VTI1A: variants seen among roughly 807,000 people sequenced by gnomAD.
The protein encoded by VTI1A is vesicle transport through interaction with t-SNAREs homolog 1A.
VTI1A carries 22 observed loss-of-function variants against 34.9 expected under a neutral mutation model. The ratio of observed to expected loss-of-function variants is 0.63; its 90% CI spans 0.45 to 0.90. VTI1A has a LOEUF of 0.90. VTI1A is among the 40% of genes least tolerant of loss of function. The pLI is 0.00. For synonymous variants in VTI1A, 87 were observed against 97.3 expected, an observed-to-expected ratio of 0.89 and a Z score of 0.62; for missense variants, 268 against 275.6, an observed-to-expected ratio of 0.97 and a Z score of 0.20.
intron 5 of VTI1A, among the ~76,000 whole-genome samples, chr10:112,645,942 G>GTTTTT (rs71035394): frequency 1.5e-5 from 2 of 137,324 alleles, no homozygotes; most frequent in African/African-American, 2.7e-5. Flanking sequence ...AATATACTGT[G>GTTTTT]TTTTTTTTTT....
chr10:112,745,095 T>C (rs1850846896), intron 7 of VTI1A, among the ~76,000 whole-genome samples: 1 of 152,240 alleles, frequency 6.6e-6, no homozygotes, highest in South Asian at 2.1e-4. Context: ...TTGACACATA[T>C]GTAATACTTT....
intron 5 of VTI1A, among the ~76,000 whole-genome samples, chr10:112,606,100 C>T (rs1439487490): frequency 2.0e-5 from 3 of 150,976 alleles, no homozygotes; most frequent in Non-Finnish European, 2.9e-5. Flanking sequence ...TCTCGGCTCA[C>T]CACAACCTCC....
intron 5 of VTI1A, among the ~76,000 whole-genome samples, chr10:112,566,279 T>G (rs1851901001): frequency 6.6e-6 from 1 of 152,146 alleles, no homozygotes; most frequent in South Asian, 2.1e-4. Context: ...TATAAAAAAC[T>G]TACAGTGATA....
Position 112,775,764 on chromosome 10 carries a change from TAAAG to T in VTI1A, c.561-39518_561-39515del, listed in dbSNP as rs543424102. Reference sequence around the variant, plus strand: ...TTATATCGAGTAATTGAAAATGTAATAAAGAAAGAAATAATTGCCATAGGACACA... The same window carrying T: ...TTATATCGAGTAATTGAAAATGTAATAAAGAAATAATTGCCATAGGACACA... On this transcript the variant is annotated intron_variant, in intron 7 of 7. Coordinates refer to ENST00000393077, the MANE Select transcript of VTI1A (RefSeq NM_145206.4). Among the ~76,000 whole-genome samples, 151 of 152,342 alleles carry T rather than the reference TAAAG, an allele frequency of 9.9e-4. 1 individual carries two copies. The highest frequency in any genetic ancestry group is 3.3e-3 in the African/African-American group (136 of 41,582).
chr10:112,709,347 G>A (rs1849317031), intron 7 of VTI1A, among the ~76,000 whole-genome samples: 1 of 152,116 alleles, frequency 6.6e-6, no homozygotes, highest in South Asian at 2.1e-4. Flanking sequence ...TTCCCTAAGA[G>A]TGTCTGTCTT....
At chr10:112,502,194 A>AT (rs1378664754) in intron 3 of VTI1A, among the ~76,000 whole-genome samples, 5 of 150,294 alleles carry the variant, frequency 3.3e-5, no homozygotes, top group African/African-American at 1.2e-4. Flanking sequence ...CACCCAGCTA[A>AT]TTTTTTTTTC....
At chr10:112,622,653 T>A (rs1284922271) in intron 5 of VTI1A, among the ~76,000 whole-genome samples, 4 of 152,310 alleles carry the variant, frequency 2.6e-5, no homozygotes, top group Non-Finnish European at 5.9e-5. Context: ...CCAGAGTCAG[T>A]GTGTTCATAT....
At chr10:112,667,115 A>G (rs753479682) in intron 5 of VTI1A, among the ~76,000 whole-genome samples, 5 of 152,166 alleles carry the variant, frequency 3.3e-5, no homozygotes, top group African/African-American at 4.8e-5. Flanking sequence ...TATGAGCCAA[A>G]TAACTACCAT....
At position 112,642,442 on chromosome 10, in the gene VTI1A, G is replaced by A. The variant is rs1205328042; in HGVS notation, c.428-25776G>A. 6.6e-5 allele frequency among the ~76,000 whole-genome samples: 10 copies of A among 152,178 alleles called. No homozygotes were observed. In the East Asian group the frequency reaches 1.7e-3, roughly 26 times the overall value. On this transcript the variant is annotated intron_variant, in intron 5 of 7. Transcript: ENST00000393077. ...TTAGTAAGAGAAAGATGGGACAGAT[G>A]TGAAGGATTCATGGTTCAAAATTAT...
intron 5 of VTI1A, among the ~76,000 whole-genome samples, chr10:112,593,409 G>T (rs1461883670): frequency 6.6e-6 from 1 of 152,166 alleles, no homozygotes; most frequent in Admixed American, 6.5e-5. Flanking sequence ...CCTCAGGGAG[G>T]GCTCTGCAAA....
chr10:112,654,416 A>G (rs1457512586), intron 5 of VTI1A, among the ~76,000 whole-genome samples: 1 of 152,168 alleles, frequency 6.6e-6, no homozygotes, highest in Non-Finnish European at 1.5e-5. Flanking sequence ...TCAAATTTAG[A>G]AATAATATTA....
intron 5 of VTI1A, among the ~76,000 whole-genome samples, chr10:112,626,837 G>A (rs1007435798): frequency 6.6e-6 from 1 of 152,188 alleles, no homozygotes; most frequent in East Asian, 1.9e-4. Flanking sequence ...TTTATTAAAT[G>A]TAATATTATT....
chr10:112,773,389 G>T (rs1851869397), intron 7 of VTI1A, among the ~76,000 whole-genome samples: 1 of 152,122 alleles, frequency 6.6e-6, no homozygotes, highest in Non-Finnish European at 1.5e-5. Context: ...CGATTACACT[G>T]AACACTAACT....
intron 5 of VTI1A, among the ~76,000 whole-genome samples, chr10:112,625,058 A>T (rs1439674229): frequency 6.6e-6 from 1 of 152,210 alleles, no homozygotes; most frequent in African/African-American, 2.4e-5. Context: ...TGATCATGCC[A>T]CTGTACTCCA....
chr10:112,761,563 TA>T (rs550948757), intron 7 of VTI1A, among the ~76,000 whole-genome samples: 62 of 152,284 alleles, frequency 4.1e-4, no homozygotes, highest in Admixed American at 3.3e-3. Context: ...CATTTTCTTT[TA>T]AAAAAATATT....
rs926917200 is a variant in VTI1A at position 112,495,348 on chromosome 10, G to A, written c.264+30691G>A. Among the ~76,000 whole-genome samples, 6 of 151,948 alleles carry A rather than the reference G, an allele frequency of 3.9e-5. No individual in the cohort carries two copies. The East Asian group carries it at 7.8e-4, about 20-fold the overall frequency. Reference sequence around the variant, plus strand: ...CAATAACTGCTAATGCTTTTTCCTCGTTTGCTTTCTCTCTAGGAGAGGGAT... The same window carrying A: ...CAATAACTGCTAATGCTTTTTCCTCATTTGCTTTCTCTCTAGGAGAGGGAT... On this transcript the variant is annotated intron_variant, in intron 3 of 7. Transcript: ENST00000393077.
the VTI1A span, among the ~76,000 whole-genome samples, chr10:112,837,931 A>G: frequency 6.6e-6 from 1 of 152,212 alleles, no homozygotes; most frequent in Non-Finnish European, 1.5e-5. Flanking sequence ...GCCTCGGCCA[A>G]GGGTTTGACC....
In VTI1A at chr10:112,537,311, GTATATATATATATATATA is replaced by G. The variant is rs10682533; in HGVS notation, c.343-925_343-908del. Among the ~76,000 whole-genome samples the G allele has an allele frequency of 1.5e-4, 10 of 65,276 alleles. 1 individual carries two copies. The highest frequency in any genetic ancestry group is 4.8e-4 in the South Asian group (1 of 2,082). The allele number at this position is 65,276 out of a possible 152,430, so 42.8% of individuals were successfully genotyped here. ...CATTTATATATTTCTAAGTATCTAG[GTATATATATATATATATA>G]TATATATATCTGTATCAGTTTTTAT... On this transcript the variant is annotated intron_variant, in intron 4 of 7. Transcript: ENST00000393077.
At chr10:112,674,136 C>T (rs1363735343) in intron 7 of VTI1A, among the ~76,000 whole-genome samples, 1 of 152,150 alleles carries the variant, frequency 6.6e-6, no homozygotes, top group Non-Finnish European at 1.5e-5. Flanking sequence ...TTTTACTTCT[C>T]TATCTCTTTT....
Sources: gnomAD v4.1 joint callset for allele counts (sites outside exome capture counted in the v4.1 genomes callset) on GRCh38, gnomAD v4.1.1 for gene constraint, MANE v1.5 for transcripts, NCBI Gene and HGNC (gene_info 2026-07-23, HGNC 2026-07-21) for gene names.